The following SLC25A12 variants were observed in gnomAD, a reference collection of about 807,000 sequenced individuals.
The protein encoded by SLC25A12 is solute carrier family 25 member 12.
In SLC25A12, 32 loss-of-function variants were observed where a neutral mutation model predicts 83.3. That is an observed-to-expected ratio of 0.38 (90% confidence interval 0.29 to 0.52). The LOEUF is 0.52. Ranked by LOEUF, SLC25A12 falls within the 20% of genes least tolerant of loss-of-function variation. The pLI, the probability that SLC25A12 is intolerant of heterozygous loss-of-function variation, is 0.84. For synonymous variants in SLC25A12, 267 were observed against 291.1 expected, an observed-to-expected ratio of 0.92 and a Z score of 0.84; for missense variants, 611 against 835.6, an observed-to-expected ratio of 0.73 and a Z score of 3.31.
At chr2:171,795,079 T>C (rs1683572625) in intron 13 of SLC25A12, among the ~76,000 whole-genome samples, 1 of 152,200 alleles carries the variant, frequency 6.6e-6, no homozygotes, top group Admixed American at 6.5e-5. Context: ...TTAACTCCTT[T>C]CAATATTCAA....
intron 3 of SLC25A12, among the ~76,000 whole-genome samples, chr2:171,864,867 T>G (rs1243124531): frequency 6.6e-6 from 1 of 152,214 alleles, no homozygotes; most frequent in Non-Finnish European, 1.5e-5. Context: ...ATTTTCTTTC[T>G]CACTAAGCTA....
intron 15 of SLC25A12, chr2:171,788,414 CA>C (rs1400017509): frequency 5.2e-6 from 1 of 191,636 alleles, no homozygotes; most frequent in African/African-American, 2.4e-5. Flanking sequence ...AAGTGAATAT[CA>C]ATACTTATAA....
intron 5 of SLC25A12, among the ~76,000 whole-genome samples, chr2:171,839,864 G>A (rs1684635784): frequency 6.6e-6 from 1 of 152,092 alleles, no homozygotes; most frequent in African/African-American, 2.4e-5. Flanking sequence ...GGCTTAGCTG[G>A]ATATCTGTTT....
At chr2:171,801,757 T>C (rs1683711161) in intron 13 of SLC25A12, among the ~76,000 whole-genome samples, 1 of 152,168 alleles carries the variant, frequency 6.6e-6, no homozygotes, top group Non-Finnish European at 1.5e-5. Flanking sequence ...TAGGCTAACA[T>C]AAGTGTTCTG....
At chr2:171,882,807 A>C (rs1685724028) in intron 2 of SLC25A12, among the ~76,000 whole-genome samples, 1 of 152,216 alleles carries the variant, frequency 6.6e-6, no homozygotes, top group Non-Finnish European at 1.5e-5. Flanking sequence ...GGTGATTTTA[A>C]AAAAGAAAGT....
intron 4 of SLC25A12, chr2:171,845,638 C>A: frequency 4.8e-6 from 1 of 210,290 alleles, no homozygotes; most frequent in Non-Finnish European, 1.0e-5. Flanking sequence ...TAATGGATTC[C>A]CTTTAGTTTT....
At chr2:171,788,079 GC>G (rs1316994487) in intron 15 of SLC25A12, 132 bp from the exon 16 acceptor site, 6 of 834,178 alleles carry the variant, frequency 7.2e-6, no homozygotes, top group Non-Finnish European at 1.2e-5. Context: ...TAGATGTCTG[GC>G]CATTAATGGG....
intron 12 of SLC25A12, 134 bp from the exon 13 acceptor site, chr2:171,809,820 T>C: frequency 1.3e-6 from 1 of 744,502 alleles, no homozygotes; most frequent in Non-Finnish European, 2.4e-6. Flanking sequence ...CATGTAAAAT[T>C]AAAGTTGTAC....
At chr2:171,886,661 C>T (rs927348139) in intron 2 of SLC25A12, among the ~76,000 whole-genome samples, 1 of 151,998 alleles carries the variant, frequency 6.6e-6, no homozygotes, top group Non-Finnish European at 1.5e-5. Flanking sequence ...AGGCACCCGC[C>T]ACCATGCCCG....
At chr2:171,861,021 A>T (rs928285967) in intron 3 of SLC25A12, among the ~76,000 whole-genome samples, 5 of 152,038 alleles carry the variant, frequency 3.3e-5, no homozygotes, top group Admixed American at 2.0e-4. Flanking sequence ...GAGCTCAGGA[A>T]GTCGAGGCTG....
At chr2:171,820,503 C>T (rs1442010990) in intron 9 of SLC25A12, among the ~76,000 whole-genome samples, 3 of 148,788 alleles carry the variant, frequency 2.0e-5, no homozygotes, top group Non-Finnish European at 4.5e-5. Flanking sequence ...CCGAGGCGGG[C>T]GGATCACGAG....
chr2:171,864,458 C>G (rs1301388688), intron 3 of SLC25A12, among the ~76,000 whole-genome samples: 1 of 152,200 alleles, frequency 6.6e-6, no homozygotes, highest in Non-Finnish European at 1.5e-5. Context: ...CCATACACTA[C>G]CAGGCTAAAA....
At chr2:171,866,431 T>TC (rs1685306765) in intron 3 of SLC25A12, among the ~76,000 whole-genome samples, 1 of 144,044 alleles carries the variant, frequency 6.9e-6, no homozygotes, top group African/African-American at 2.6e-5. Context: ...GCCCCTCACC[T>TC]CCCGGACGGG....
intron 1 of SLC25A12, among the ~76,000 whole-genome samples, chr2:171,893,732 A>G (rs550065269): frequency 6.6e-6 from 1 of 152,268 alleles, no homozygotes; most frequent in South Asian, 2.1e-4. Flanking sequence ...AGCTGCCACA[A>G]ATACAAATAC....
In SLC25A12 at chr2:171,783,504, C is replaced by T. The variant is rs563228216; in HGVS notation, c.*1770G>A. 1.2e-4 allele frequency among the ~76,000 whole-genome samples: 18 copies of T among 152,250 alleles called. No homozygotes were observed. The highest frequency in any genetic ancestry group is 3.4e-3 in the Middle Eastern group (1 of 294). On this transcript the variant is annotated 3_prime_UTR_variant, in exon 18 of 18. Transcript: ENST00000422440. ...CAGAATAACACACACATAACATAAT[C>T]CTGTTTCTAAAATATAAATATGTAC...
intron 8 of SLC25A12, among the ~76,000 whole-genome samples, chr2:171,831,092 C>T (rs533857764): frequency 3.2e-4 from 48 of 152,356 alleles, no homozygotes; most frequent in Admixed American, 1.6e-3. Flanking sequence ...TTTTAAACTG[C>T]GTTGTGCCTC....
At chr2:171,841,878 A>G (rs1261511486) in intron 5 of SLC25A12, among the ~76,000 whole-genome samples, 1 of 152,214 alleles carries the variant, frequency 6.6e-6, no homozygotes, top group East Asian at 1.9e-4. Context: ...AATGACTCCT[A>G]TGCAGTGAGC....
chr2:171,828,510 C>T (rs1321117193), intron 8 of SLC25A12, among the ~76,000 whole-genome samples: 2 of 152,206 alleles, frequency 1.3e-5, no homozygotes, highest in African/African-American at 2.4e-5. Context: ...ATACATTCTA[C>T]ATCTTGTTTC....
rs766823638 is a variant in SLC25A12, at chr2:171,813,542, A to G, written c.1013-45T>C. On this transcript the variant is annotated intron_variant, in intron 10 of 17. Coordinates refer to ENST00000422440, the MANE Select transcript of SLC25A12 (RefSeq NM_003705.5). Reference sequence around the variant, plus strand: ...TAGGCTTAAAAAAGAACACAATTAAATGGAGAGTCCATAAGGATGACAAAT... The same window carrying G: ...TAGGCTTAAAAAAGAACACAATTAAGTGGAGAGTCCATAAGGATGACAAAT... The G allele has an allele frequency of 5.7e-6, 9 of 1,587,042 alleles. No homozygotes were observed. The African/African-American group carries it at 1.2e-4, about 21-fold the overall frequency.
Sources: allele counts gnomAD v4.1 joint callset (sites outside exome capture counted in the v4.1 genomes callset), GRCh38; gene constraint gnomAD v4.1.1; transcripts MANE v1.5; gene names NCBI Gene and HGNC (gene_info 2026-07-23, HGNC 2026-07-21).